FLI1: variants seen among roughly 807,000 people sequenced by gnomAD.
The protein encoded by FLI1 is Fli-1 proto-oncogene, ETS transcription factor.
A neutral mutation model predicts 53.1 loss-of-function variants in FLI1; 13 were observed. The ratio of observed to expected loss-of-function variants is 0.24; its 90% CI spans 0.16 to 0.39. The LOEUF (loss-of-function observed/expected upper bound fraction) is 0.39. FLI1 is among the 10% of genes least tolerant of loss of function. The probability of loss-of-function intolerance (pLI) is 1.00; values close to 1 mark genes in which losing one functional copy is unlikely to be tolerated. For synonymous variants in FLI1, 244 were observed against 236.7 expected (o/e 1.03, Z -0.28); for missense variants, 424 against 600.5 (o/e 0.71, Z 3.07).
At chr11:128,777,090 C>G (rs1941751142) in intron 4 of FLI1, among the ~76,000 whole-genome samples, 1 of 152,188 alleles carries the variant, frequency 6.6e-6, no homozygotes, top group Admixed American at 6.5e-5. Context: ...GGACACACCC[C>G]GTGTGGCAGA....
At chr11:128,780,162 A>T (rs1565496693) in intron 4 of FLI1, among the ~76,000 whole-genome samples, 1 of 152,196 alleles carries the variant, frequency 6.6e-6, no homozygotes, top group Non-Finnish European at 1.5e-5. Flanking sequence ...TGGATGTTAT[A>T]TTCATGTGAC....
chr11:128,722,754 G>A (rs1377267863), intron 1 of FLI1, among the ~76,000 whole-genome samples: 1 of 152,236 alleles, frequency 6.6e-6, no homozygotes, highest in Non-Finnish European at 1.5e-5. Context: ...AGAGCCTGGG[G>A]AATGAGGGAT....
intron 1 of FLI1, among the ~76,000 whole-genome samples, chr11:128,711,284 G>A (rs941728553): frequency 1.3e-5 from 2 of 152,150 alleles, no homozygotes; most frequent in Non-Finnish European, 2.9e-5. Context: ...TCAGTCAGAG[G>A]GGCATATTTA....
At chr11:128,801,437 C>T (rs1942633368) in intron 5 of FLI1, among the ~76,000 whole-genome samples, 1 of 152,116 alleles carries the variant, frequency 6.6e-6, no homozygotes, top group Admixed American at 6.5e-5. Flanking sequence ...AAATATGAAC[C>T]CTCACTTCAA....
At chr11:128,690,032 C>T (rs1937672013), upstream of FLI1, among the ~76,000 whole-genome samples, 2 of 152,258 alleles carry the variant, frequency 1.3e-5, no homozygotes, top group Admixed American at 6.5e-5. Context: ...CCTGCAGAGC[C>T]TTCCTGCAGA....
At chr11:128,749,968 G>C (rs79313000) in intron 1 of FLI1, among the ~76,000 whole-genome samples, 5,430 of 152,348 alleles carry the variant, frequency 0.036, 341 homozygotes, top group African/African-American at 0.12. Flanking sequence ...CACTGCTGCA[G>C]AGCCTGCTGG....
intron 2 of FLI1, chr11:128,764,721 G>C: frequency 6.4e-7 from 1 of 1,563,620 alleles, no homozygotes; most frequent in South Asian, 1.2e-5. Flanking sequence ...AGCGGCAGCC[G>C]TGGAGCCCCA....
intron 1 of FLI1, among the ~76,000 whole-genome samples, chr11:128,718,082 A>G (rs138681787): frequency 6.6e-6 from 1 of 152,338 alleles, no homozygotes; most frequent in African/African-American, 2.4e-5. Flanking sequence ...TACACTTGGA[A>G]TGGGACCCAA....
chr11:128,799,124 A>G (rs1404137890), intron 5 of FLI1, among the ~76,000 whole-genome samples: 1 of 150,748 alleles, frequency 6.6e-6, no homozygotes, highest in African/African-American at 2.5e-5. Flanking sequence ...AGCTCACTGC[A>G]GCCTTAAACT....
Position 128,688,232 on chromosome 11 carries a change from C to T in FLI1, c.-203+1531C>T, listed in dbSNP as rs117653939. 5.4e-3 allele frequency among the ~76,000 whole-genome samples: 824 copies of T among 152,220 alleles called. 5 individuals are homozygous for T. Among genetic ancestry groups the T allele is most frequent in the Non-Finnish European group, 9.2e-3 (627 of 67,998 alleles). On this transcript the variant is annotated intron_variant, in intron 1 of 6. Transcript: ENST00000344954. ...GAGCCCTAGAGGGGCACGTGGGAGC[C>T]CCGGAACCCGACTCAGGCCACGGGT...
At chr11:128,717,628 C>T (rs1939074509) in intron 1 of FLI1, among the ~76,000 whole-genome samples, 1 of 152,162 alleles carries the variant, frequency 6.6e-6, no homozygotes, top group Non-Finnish European at 1.5e-5. Context: ...ATTGCAATTA[C>T]CACATTCTGA....
chr11:128,764,036 G>A (rs544705538), intron 2 of FLI1, among the ~76,000 whole-genome samples: 8 of 152,312 alleles, frequency 5.3e-5, no homozygotes, highest in South Asian at 2.1e-4. Flanking sequence ...TAGGCAGCCC[G>A]CGAGGCCTCA....
chr11:128,718,446 TC>T (rs36075408), intron 1 of FLI1, among the ~76,000 whole-genome samples: 34,700 of 151,952 alleles, frequency 0.23, 4,569 homozygotes, highest in Admixed American at 0.35. Context: ...ATTCAGAGGC[TC>T]CCCCAGAGCT....
chr11:128,762,974 T>C (rs1359868990), intron 2 of FLI1, among the ~76,000 whole-genome samples: 1 of 151,800 alleles, frequency 6.6e-6, no homozygotes, highest in Non-Finnish European at 1.5e-5. Context: ...AAAAAAATTA[T>C]GTAGTTCGCA....
rs7113191 is a variant in FLI1, at chr11:128,805,397, T to A, written c.687T>A (p.Ala229=). 0.12 allele frequency: 184,322 copies of A among 1,585,936 alleles called. 12,075 individuals are homozygous for A. The highest frequency in any genetic ancestry group is 0.26 in the African/African-American group (19,196 of 74,600). The part of the protein sequence containing the change: ...DPSYDSVRRG[A]WGNNMNSGLN... ...CTTATGACTCAGTCAGAAGAGGAGC[T>A]TGGGGCAATAACATGAATTCTGGCC... Residue 229 remains alanine, a synonymous_variant, in exon 6 of 9, where the codon GCT becomes GCA. Coordinates refer to ENST00000527786, the MANE Select transcript of FLI1 (RefSeq NM_002017.5).
intron 5 of FLI1, among the ~76,000 whole-genome samples, chr11:128,783,898 A>C (rs1481898404): frequency 6.6e-6 from 1 of 151,922 alleles, no homozygotes. Context: ...GAAGGAAAAA[A>C]GAAGGGGAAA....
chr11:128,772,643 G>A, intron 3 of FLI1, 139 bp from the exon 4 acceptor site: 3 of 713,576 alleles, frequency 4.2e-6, no homozygotes, highest in Non-Finnish European at 7.3e-6. Context: ...GTGTTCTAGG[G>A]GAACCATGTG....
intron 1 of FLI1, among the ~76,000 whole-genome samples, chr11:128,743,629 C>G (rs1316003803): frequency 1.3e-5 from 2 of 152,130 alleles, no homozygotes; most frequent in African/African-American, 2.4e-5. Context: ...TTGAGACAGA[C>G]AGACAGGCAT....
chr11:128,799,711 C>T (rs991340884), intron 5 of FLI1, among the ~76,000 whole-genome samples: 1 of 152,138 alleles, frequency 6.6e-6, no homozygotes, highest in Non-Finnish European at 1.5e-5. Context: ...GGCGCGGACT[C>T]GAGCAAAGAC....
Sources: allele counts gnomAD v4.1 joint callset (sites outside exome capture counted in the v4.1 genomes callset), GRCh38; gene constraint gnomAD v4.1.1; transcripts MANE v1.5; gene names NCBI Gene and HGNC (gene_info 2026-07-23, HGNC 2026-07-21).